TOX3: variants seen among roughly 807,000 people sequenced by gnomAD.
TOX3 encodes the protein CAG trinucleotide repeat-containing gene F9 protein.
A neutral mutation model predicts 64.3 loss-of-function variants in TOX3; 22 were observed. That is an observed-to-expected ratio of 0.34 (90% CI 0.24 to 0.49). The LOEUF (loss-of-function observed/expected upper bound fraction) is 0.49, where lower values mean the gene tolerates loss of function less well. Ranked by LOEUF, TOX3 falls within the 20% of genes least tolerant of loss-of-function variation. TOX3 has a pLI of 0.99. For synonymous variants in TOX3, 291 were observed against 273.6 expected, an observed-to-expected ratio of 1.06 and a Z score of -0.63; for missense variants, 661 against 714.4, an observed-to-expected ratio of 0.93 and a Z score of 0.85.
chr16:52,519,681 G>T lies in TOX3; in HGVS notation c.87+26956C>A, dbSNP rs370706591. Reference sequence around the variant, plus strand: ...AAGCAAGAAGTAGTAGAATGGGCTGGGCGCAGTCGCTCACACCTGTAATCC... The same window carrying T: ...AAGCAAGAAGTAGTAGAATGGGCTGTGCGCAGTCGCTCACACCTGTAATCC... On this transcript the variant is annotated intron_variant, in intron 1 of 6. Coordinates refer to ENST00000219746, the MANE Select transcript of TOX3 (RefSeq NM_001080430.4). The T allele has an allele frequency of 6.4e-5, 73 of 1,141,334 alleles. 1 individual carries two copies. In the East Asian group the frequency reaches 7.2e-4, roughly 11 times the overall value. The allele number at this position is 1,141,334 out of a possible 1,614,324, so 70.7% of individuals were successfully genotyped here.
At chr16:52,485,573 C>T (rs4493036) in intron 1 of TOX3, among the ~76,000 whole-genome samples, 3,906 of 151,844 alleles carry the variant, frequency 0.026, 182 homozygotes, top group African/African-American at 0.091. Flanking sequence ...AAGACCAACC[C>T]GACCAGTTGG....
intron 1 of TOX3, among the ~76,000 whole-genome samples, chr16:52,482,088 T>TA (rs935317854): frequency 6.6e-6 from 1 of 152,190 alleles, no homozygotes; most frequent in Non-Finnish European, 1.5e-5. Flanking sequence ...AATGGTTTCT[T>TA]AAACATAACC....
At chr16:52,509,457 C>T (rs1419102357) in intron 1 of TOX3, among the ~76,000 whole-genome samples, 1 of 152,158 alleles carries the variant, frequency 6.6e-6, no homozygotes, top group Non-Finnish European at 1.5e-5. Context: ...CCCACTAAAA[C>T]CAAATTCTTC....
At chr16:52,459,988 A>G (rs79138306) in intron 3 of TOX3, among the ~76,000 whole-genome samples, 4,310 of 152,176 alleles carry the variant, frequency 0.028, 97 homozygotes, top group East Asian at 0.1. Context: ...ATCAAAAATG[A>G]TATCTGTCTG....
chr16:52,531,782 A>G (rs1056480211), intron 1 of TOX3, among the ~76,000 whole-genome samples: 9 of 152,178 alleles, frequency 5.9e-5, no homozygotes, highest in African/African-American at 9.7e-5. Flanking sequence ...ATTAAACCAG[A>G]AGTAAAGCAT....
intron 1 of TOX3, among the ~76,000 whole-genome samples, chr16:52,500,717 C>A (rs1961978403): frequency 6.6e-6 from 1 of 152,220 alleles, no homozygotes; most frequent in Non-Finnish European, 1.5e-5. Context: ...CATTTATCGT[C>A]TTATTTCTTC....
At chr16:52,457,888 C>G (rs1960567737) in intron 3 of TOX3, among the ~76,000 whole-genome samples, 1 of 152,056 alleles carries the variant, frequency 6.6e-6, no homozygotes. Flanking sequence ...ATCAGACATA[C>G]CTACCCATGA....
intron 1 of TOX3, among the ~76,000 whole-genome samples, chr16:52,516,670 G>C (rs1962466391): frequency 6.6e-6 from 1 of 152,130 alleles, no homozygotes; most frequent in Non-Finnish European, 1.5e-5. Flanking sequence ...AAACATTTAT[G>C]TACTTATTGG....
At chr16:52,440,752 C>CTTTTTTTTTTTTTTTTTT (rs60615310) in intron 6 of TOX3, among the ~76,000 whole-genome samples, 1 of 66,606 alleles carries the variant, frequency 1.5e-5, no homozygotes, top group Non-Finnish European at 3.1e-5. Flanking sequence ...TTCTTTCTTT[C>CTTTTTTTTTTTTTTTTTT]TTTTTTTTTT....
chr16:52,477,542 A>G (rs569816195), intron 1 of TOX3, among the ~76,000 whole-genome samples: 1 of 152,254 alleles, frequency 6.6e-6, no homozygotes, highest in South Asian at 2.1e-4. Context: ...AAAATTCAGA[A>G]AGCGCTTTAC....
chr16:52,452,789 T>G (rs1322762593), intron 3 of TOX3, among the ~76,000 whole-genome samples: 1 of 152,346 alleles, frequency 6.6e-6, no homozygotes, highest in East Asian at 1.9e-4. Context: ...CAACAAGTGT[T>G]AGAATATTAA....
chr16:52,531,886 G>A (rs117707371), intron 1 of TOX3, among the ~76,000 whole-genome samples: 5 of 152,220 alleles, frequency 3.3e-5, no homozygotes, highest in Non-Finnish European at 7.4e-5. Flanking sequence ...ATTATCAGAA[G>A]CATAATAAAG....
chr16:52,536,981 A>T (rs1172768082), intron 1 of TOX3, among the ~76,000 whole-genome samples: 1 of 151,876 alleles, frequency 6.6e-6, no homozygotes, highest in Non-Finnish European at 1.5e-5. Context: ...CCAAGGCTTC[A>T]TTTAAGGGCT....
chr16:52,531,980 G>A (rs1316054070), intron 1 of TOX3, among the ~76,000 whole-genome samples: 5 of 152,112 alleles, frequency 3.3e-5, no homozygotes, highest in Non-Finnish European at 5.9e-5. Flanking sequence ...CTGGAAATAC[G>A]GCACTGAAAA....
intron 1 of TOX3, among the ~76,000 whole-genome samples, chr16:52,476,479 T>C (rs1961210744): frequency 6.6e-6 from 1 of 152,118 alleles, no homozygotes. Context: ...GGCTTTTTTG[T>C]TTTGTTTTGG....
At position 52,464,149 on chromosome 16, in the gene TOX3, C is replaced by A; in HGVS notation, c.193G>T (p.Glu65Ter). Residue 65 changes from glutamate (E) to a stop codon, truncating the protein, a stop_gained, in exon 3 of 7, where the codon GAA becomes TAA. Coordinates refer to ENST00000219746, the MANE Select transcript of TOX3 (RefSeq NM_001080430.4). LOFTEE classifies it high-confidence loss of function. ...GGAGGAGGCGTGATTGGTGGAATTTCGAATTCCTCGTCCCCAAGGCTTGGT... is the reference window on the plus strand; with the variant it reads ...GGAGGAGGCGTGATTGGTGGAATTTAGAATTCCTCGTCCCCAAGGCTTGGT... ...HTPSLGDEEF[E>*]IPPITPPPES... 1.3e-6 allele frequency: 2 copies of A among 1,576,728 alleles called. No individual in the cohort carries two copies. The highest frequency in any genetic ancestry group is 1.7e-6 in the Non-Finnish European group (2 of 1,160,428).
At chr16:52,527,694 G>A (rs1962754814) in intron 1 of TOX3, among the ~76,000 whole-genome samples, 2 of 152,084 alleles carry the variant, frequency 1.3e-5, no homozygotes, top group Admixed American at 1.3e-4. Flanking sequence ...GCTATTCTGG[G>A]GAACACAATG....
At chr16:52,468,068 G>A (rs577079245) in intron 2 of TOX3, among the ~76,000 whole-genome samples, 1 of 152,216 alleles carries the variant, frequency 6.6e-6, no homozygotes, top group East Asian at 1.9e-4. Flanking sequence ...ATACTCTTCT[G>A]TCACATAGTT....
intron 1 of TOX3, among the ~76,000 whole-genome samples, chr16:52,500,626 C>CAT (rs1961976110): frequency 6.6e-6 from 1 of 152,190 alleles, no homozygotes; most frequent in African/African-American, 2.4e-5. Context: ...TAGAATAATG[C>CAT]ATATGCCAAT....
Sources: gnomAD v4.1 joint callset for allele counts (sites outside exome capture counted in the v4.1 genomes callset) on GRCh38, gnomAD v4.1.1 for gene constraint, MANE v1.5 for transcripts, NCBI Gene and HGNC (gene_info 2026-07-23, HGNC 2026-07-21) for gene names.